The following MYO3A variants were observed in gnomAD, a reference collection of about 807,000 sequenced individuals.
The protein encoded by MYO3A is myosin-IIIa.
A neutral mutation model predicts 192.7 loss-of-function variants in MYO3A; 180 were observed. The observed-to-expected ratio is 0.93, with a 90% CI of 0.83 to 1.06. The LOEUF is 1.06. Ranked by LOEUF, MYO3A falls within the 50% of genes least tolerant of loss-of-function variation. MYO3A has a pLI of 0.00. For missense variants in MYO3A, 1,896 were observed against 1,905.0 expected (o/e 1.00, Z 0.09); for synonymous variants, 628 against 645.3 (o/e 0.97, Z 0.41).
chr10:26,003,546 C>A (rs1840985757), intron 6 of MYO3A, among the ~76,000 whole-genome samples: 1 of 152,008 alleles, frequency 6.6e-6, no homozygotes, highest in Admixed American at 6.6e-5. Context: ...CCTCAGAGAG[C>A]AAAATGACAA....
At chr10:26,062,528 A>AC (rs879434861) in intron 10 of MYO3A, among the ~76,000 whole-genome samples, 40,388 of 137,876 alleles carry the variant, frequency 0.29, 7,316 homozygotes, top group Middle Eastern at 0.43. Flanking sequence ...AAAAAAAAAA[A>AC]AAAAATTATG....
chr10:26,128,916 C>T (rs1026895245), intron 20 of MYO3A, among the ~76,000 whole-genome samples: 4 of 152,118 alleles, frequency 2.6e-5, no homozygotes, highest in African/African-American at 9.7e-5. Context: ...AGCTAAAAGC[C>T]ATTAAACTTC....
chr10:26,057,427 G>A (rs760953524), intron 10 of MYO3A, among the ~76,000 whole-genome samples: 11 of 152,208 alleles, frequency 7.2e-5, no homozygotes, highest in Non-Finnish European at 1.3e-4. Context: ...GAGAAGTTGG[G>A]AGGGATGTGA....
chr10:25,996,991 A>G (rs1840487873), intron 5 of MYO3A, among the ~76,000 whole-genome samples, 168 bp from the exon 6 acceptor site: 1 of 152,252 alleles, frequency 6.6e-6, no homozygotes. Context: ...ATATAATTCA[A>G]AGTGGAAATG....
intron 26 of MYO3A, among the ~76,000 whole-genome samples, chr10:26,164,948 G>A (rs996620845): frequency 1.3e-5 from 2 of 152,178 alleles, no homozygotes; most frequent in South Asian, 2.1e-4. Flanking sequence ...AAGTGAGCAG[G>A]CCTAGTGGCT....
chr10:26,212,179 C>A lies in MYO3A; in HGVS notation c.*216C>A. The A allele has an allele frequency of 1.6e-6, 1 of 645,118 alleles. No individual in the cohort carries two copies. Among genetic ancestry groups the A allele is most frequent in the Non-Finnish European group, 2.5e-6 (1 of 396,762 alleles). The allele number at this position is 645,118 out of a possible 1,614,324, so 40.0% of individuals were successfully genotyped here. The stretch of plus-strand genomic sequence containing the variant: ...AGCCCTCGGGAAACCTCCCCCGACG[C>A]TCTCTCTCGGAACTCCCGCACCCTC... On this transcript the variant is annotated 3_prime_UTR_variant, in exon 35 of 35. Transcript: ENST00000642920.
rs1841200479 is a variant in MYO3A, at chr10:26,157,372, C to G, written c.2856C>G (p.Ile952Met). The change falls in exon 26 of 35, where the codon ATC (isoleucine) becomes ATG (methionine). Residue 952 changes from isoleucine to methionine, a missense_variant. Coordinates refer to ENST00000642920, the MANE Select transcript of MYO3A (RefSeq NM_017433.5). ...VVGQPHFVRC[I>M]KPNSERQARK... Reference sequence around the variant, plus strand: ...GCCAACCTCATTTTGTCCGTTGCATCAAACCAAATAGTGAGCGTCAGGCAA... The same window carrying G: ...GCCAACCTCATTTTGTCCGTTGCATGAAACCAAATAGTGAGCGTCAGGCAA... 1.2e-6 allele frequency: 2 copies of G among 1,614,056 alleles called. No individual in the cohort carries two copies. The highest frequency in any genetic ancestry group is 1.7e-6 in the Non-Finnish European group (2 of 1,179,984).
chr10:26,058,639 G>A (rs1477438502), intron 10 of MYO3A, among the ~76,000 whole-genome samples: 1 of 152,186 alleles, frequency 6.6e-6, no homozygotes, highest in Non-Finnish European at 1.5e-5. Flanking sequence ...AAATTGCACA[G>A]TGTCAGTCCT....
intron 6 of MYO3A, among the ~76,000 whole-genome samples, chr10:26,001,807 C>G (rs1371289509): frequency 6.6e-6 from 1 of 152,158 alleles, no homozygotes; most frequent in East Asian, 1.9e-4. Context: ...TATAGCAAGA[C>G]CCTGTCTCTA....
At chr10:26,186,856 A>C (rs1432508668) in intron 31 of MYO3A, among the ~76,000 whole-genome samples, 3 of 152,162 alleles carry the variant, frequency 2.0e-5, no homozygotes, top group Non-Finnish European at 4.4e-5. Context: ...CTTTGTTGCC[A>C]AATAAAGGTT....
intron 31 of MYO3A, among the ~76,000 whole-genome samples, chr10:26,177,164 A>T (rs1842377668): frequency 6.6e-6 from 1 of 152,124 alleles, no homozygotes; most frequent in Admixed American, 6.5e-5. Context: ...TTGATAAGAG[A>T]GCGCAAAAAT....
Position 26,154,037 on chromosome 10 carries a change from C to T in MYO3A, c.2715+108C>T, listed in dbSNP as rs1393858332. The T allele has an allele frequency of 6.1e-6, 5 of 824,958 alleles. No homozygotes were observed. In the African/African-American group the frequency reaches 6.8e-5, roughly 11 times the overall value. The allele number at this position is 824,958 out of a possible 1,614,324, so 51.1% of individuals were successfully genotyped here. A position where few individuals can be genotyped will look rare whatever the true frequency, so the allele number is the denominator to read the frequency against. On this transcript the variant is annotated intron_variant, in intron 24 of 34. Transcript: ENST00000642920. ...ACAGTTTTTTTCTTAGTTTTTCTCCCTTTGATCTTGCTTTTCTGTTTGAAC... is the reference window on the plus strand; with the variant it reads ...ACAGTTTTTTTCTTAGTTTTTCTCCTTTTGATCTTGCTTTTCTGTTTGAAC...
rs1019300996 is a variant in MYO3A, at chr10:26,055,048, G to A, written c.954-11927G>A. Reference sequence around the variant, plus strand: ...GGTGTGCTGCACCAATCAAGCACCTGCAGATTGGAAGTGACAATGGCCAGG... The same window carrying A: ...GGTGTGCTGCACCAATCAAGCACCTACAGATTGGAAGTGACAATGGCCAGG... On this transcript the variant is annotated intron_variant, in intron 10 of 34. Transcript: ENST00000642920. 8.5e-5 allele frequency among the ~76,000 whole-genome samples: 13 copies of A among 152,334 alleles called. No individual in the cohort carries two copies. The East Asian group carries it at 2.1e-3, about 25-fold the overall frequency.
chr10:26,019,217 CTATTTATTTATT>C (rs201592333), intron 7 of MYO3A, among the ~76,000 whole-genome samples: 13,451 of 139,380 alleles, frequency 0.097, 769 homozygotes, highest in African/African-American at 0.11. Flanking sequence ...TCTGGTTATT[CTATTTATTTATT>C]TATTTATTTA....
intron 31 of MYO3A, among the ~76,000 whole-genome samples, 167 bp from the exon 32 acceptor site, chr10:26,193,038 A>G (rs1355842443): frequency 1.3e-5 from 2 of 152,174 alleles, no homozygotes; most frequent in African/African-American, 2.4e-5. Flanking sequence ...AGGAAAGCAC[A>G]TGGTGAGGAG....
intron 17 of MYO3A, among the ~76,000 whole-genome samples, chr10:26,120,239 TTTTC>T (rs1367401585): frequency 6.6e-6 from 1 of 152,116 alleles, no homozygotes; most frequent in Admixed American, 6.6e-5. Flanking sequence ...ATCTTTTGAT[TTTTC>T]TTTCTTAGTC....
intron 28 of MYO3A, among the ~76,000 whole-genome samples, chr10:26,169,901 C>T (rs1841958837): frequency 6.6e-6 from 1 of 152,130 alleles, no homozygotes; most frequent in Admixed American, 6.5e-5. Context: ...TCTTTACTCC[C>T]CCAACTTAGT....
intron 19 of MYO3A, 117 bp from the exon 20 acceptor site, chr10:26,128,274 A>C: frequency 9.7e-7 from 1 of 1,036,006 alleles, no homozygotes; most frequent in African/African-American, 1.6e-5. Flanking sequence ...TTTCACTCTA[A>C]GTGTATGTTC....
At chr10:26,162,024 G>C (rs1448428739) in intron 26 of MYO3A, among the ~76,000 whole-genome samples, 1 of 152,206 alleles carries the variant, frequency 6.6e-6, no homozygotes, top group Non-Finnish European at 1.5e-5. Flanking sequence ...CTGACATTAA[G>C]AAACTCACAG....
Sources: allele counts gnomAD v4.1 joint callset (sites outside exome capture counted in the v4.1 genomes callset), GRCh38; gene constraint gnomAD v4.1.1; transcripts MANE v1.5; gene names NCBI Gene and HGNC (gene_info 2026-07-23, HGNC 2026-07-21).